The following PIGG variants were observed in gnomAD, a reference collection of about 807,000 sequenced individuals.
PIGG encodes the protein phosphatidylinositol glycan anchor biosynthesis class G (EMM blood group).
Under a neutral mutation model 83.2 loss-of-function variants are expected in PIGG, and 70 were observed. The observed-to-expected ratio is 0.84, with a 90% CI of 0.69 to 1.03. The LOEUF (loss-of-function observed/expected upper bound fraction) is 1.03, where lower values mean the gene tolerates loss of function less well. PIGG is among the 50% of genes least tolerant of loss of function. The pLI, the probability that PIGG is intolerant of heterozygous loss-of-function variation, is 0.00. For missense variants in PIGG, 1,257 were observed against 1,233.6 expected (o/e 1.02, Z -0.28); for synonymous variants, 532 against 519.5 (o/e 1.02, Z -0.33).
At chr4:512,537 G>T (rs1416382322) in intron 5 of PIGG, among the ~76,000 whole-genome samples, 2 of 151,846 alleles carry the variant, frequency 1.3e-5, no homozygotes, top group Non-Finnish European at 2.9e-5. Flanking sequence ...AATAATTTCT[G>T]GCCTGGCACG....
At chr4:534,468 G>A (rs778158274) in intron 12 of PIGG, among the ~76,000 whole-genome samples, 4 of 152,240 alleles carry the variant, frequency 2.6e-5, no homozygotes, top group Admixed American at 6.5e-5. Context: ...AGTCGTCCTT[G>A]AGTAGCTAGG....
intron 9 of PIGG, among the ~76,000 whole-genome samples, chr4:526,321 T>C (rs924461052): frequency 6.6e-6 from 1 of 152,190 alleles, no homozygotes; most frequent in Non-Finnish European, 1.5e-5. Context: ...CTGGGAGGCT[T>C]TGAAGCGGGA....
chr4:507,582 C>G lies in PIGG; in HGVS notation c.748C>G (p.Leu250Val). The G allele has an allele frequency of 6.2e-7, 1 of 1,612,032 alleles. No homozygotes were observed. Among genetic ancestry groups the G allele is most frequent in the Admixed American group, 1.7e-5 (1 of 59,816 alleles). ...DSVLMKIHTS[L>V]QSKERETPLP... ...CGTGCTGATGAAGATCCACACCTCA[C>G]TGCAGTCGAAGGTGAGGCTCGCCGT... is the stretch of plus-strand genomic sequence containing the variant. Residue 250 changes from leucine to valine, a missense_variant, in exon 4 of 13, where the codon CTG becomes GTG. Transcript: ENST00000453061.
intron 5 of PIGG, among the ~76,000 whole-genome samples, chr4:509,975 A>G (rs1553882366): frequency 1.3e-5 from 2 of 148,816 alleles, no homozygotes; most frequent in Non-Finnish European, 3.0e-5. Flanking sequence ...AGATGAGGAC[A>G]GGACCATGTC....
chr4:533,422 C>G (rs1296895297), intron 11 of PIGG: 1 of 188,662 alleles, frequency 5.3e-6, no homozygotes, highest in Non-Finnish European at 1.1e-5. Context: ...TCTCAGGGCC[C>G]TATGCGCCCC....
In PIGG at chr4:499,409, G is replaced by A. The variant is rs201601926; in HGVS notation, c.74G>A (p.Arg25Gln). 9.3e-6 allele frequency: 15 copies of A among 1,609,116 alleles called. No individual in the cohort carries two copies. Among genetic ancestry groups the A allele is most frequent in the Admixed American group, 1.7e-5 (1 of 59,956 alleles). Residue 25 changes from arginine to glutamine, a missense_variant, in exon 1 of 13, where the codon CGG becomes CAG. Physicochemically the swap from Arg to Gln is conservative, Grantham distance 43. Coordinates refer to ENST00000453061, the MANE Select transcript of PIGG (RefSeq NM_001127178.3). The stretch of plus-strand genomic sequence containing the variant: ...GTGCTAGGGATCGCGGTCTTCCTTC[G>A]GGGATTCTTCCCGGCTCCCGTTCGT... ...IEVLGIAVFL[R>Q]GFFPAPVRSS...
At chr4:508,636 G>A (rs1279567205) in intron 4 of PIGG, among the ~76,000 whole-genome samples, 193 bp from the exon 5 acceptor site, 2 of 152,204 alleles carry the variant, frequency 1.3e-5, no homozygotes, top group Middle Eastern at 3.2e-3. Flanking sequence ...GTACAATTCT[G>A]TGAACTTCAT....
intron 6 of PIGG, among the ~76,000 whole-genome samples, chr4:518,830 G>A (rs1479964858): frequency 1.3e-5 from 2 of 151,984 alleles, no homozygotes; most frequent in Non-Finnish European, 2.9e-5. Flanking sequence ...AACAAAATGG[G>A]GTATGTGTTC....
At position 528,017 on chromosome 4, in the gene PIGG, G is replaced by C. The variant is rs1728130880; in HGVS notation, c.2261+787G>C. 1.0e-6 allele frequency: 1 copy of C among 985,310 alleles called. No individual in the cohort carries two copies. The highest frequency in any genetic ancestry group is 6.1e-5 in the Admixed American group (1 of 16,268). 61.0% of individuals were successfully genotyped at this position (985,310 alleles called of 1,614,324 possible). The stretch of plus-strand genomic sequence containing the variant: ...TGTCCTTGCAAAAAGGAACAACCAG[G>C]GTAATTATCCAGCAGCAATACAGTG... On this transcript the variant is annotated intron_variant, in intron 10 of 12. Transcript: ENST00000453061. The surrounding 1 kb of genome is among the most constrained non-coding windows in gnomAD (Gnocchi z 4.8).
intron 6 of PIGG, among the ~76,000 whole-genome samples, chr4:520,694 C>T (rs1173293443): frequency 6.6e-6 from 1 of 152,112 alleles, no homozygotes; most frequent in Non-Finnish European, 1.5e-5. Flanking sequence ...TTATATTGCA[C>T]GTTGACAAGA....
intron 12 of PIGG, among the ~76,000 whole-genome samples, chr4:534,551 C>T (rs1402306472): frequency 6.6e-6 from 1 of 152,230 alleles, no homozygotes; most frequent in South Asian, 2.1e-4. Flanking sequence ...AGTTCAGAGA[C>T]GTGAGCCCCG....
intron 2 of PIGG, chr4:502,023 A>C (rs1553876187): frequency 6.6e-6 from 1 of 152,210 alleles, no homozygotes; most frequent in African/African-American, 2.4e-5. Flanking sequence ...GGGAATCTGG[A>C]AGAAAGACAT....
rs1728818946 is a variant in PIGG, at chr4:530,641, A to G, written c.2467A>G (p.Ile823Val). 2 of 1,613,826 alleles carry G rather than the reference A, an allele frequency of 1.2e-6. No homozygotes were observed. Among genetic ancestry groups the G allele is most frequent in the Non-Finnish European group, 1.7e-6 (2 of 1,179,728 alleles). Reference protein sequence around the residue: ...NLPVLAFSLLIQTLMTKFIWK... With the variant: ...NLPVLAFSLLVQTLMTKFIWK... ...TCCGGTCTTAGCATTTAGCCTCTTG[A>G]TTCAGACTCTAATGACTAAATTCAT... Residue 823 changes from isoleucine (I) to valine (V), a missense_variant, in exon 11 of 13, where the codon ATT (isoleucine) becomes GTT (valine). Physicochemically the swap from Ile to Val is conservative, Grantham distance 29 (BLOSUM62 3). Coordinates refer to ENST00000453061, the MANE Select transcript of PIGG (RefSeq NM_001127178.3).
chr4:525,464 A>G (rs1358845802), intron 9 of PIGG: 1 of 605,856 alleles, frequency 1.7e-6, no homozygotes. Context: ...CAGCAGAAGG[A>G]AAAGGGAAAT....
Position 521,643 on chromosome 4 carries a change from C to G in PIGG, c.1333-17C>G, listed in dbSNP as rs761265921. 3.7e-6 allele frequency: 6 copies of G among 1,610,746 alleles called. No homozygotes were observed. The highest frequency in any genetic ancestry group is 5.1e-6 in the Non-Finnish European group (6 of 1,177,326). On this transcript the variant is annotated splice_polypyrimidine_tract_variant and intron_variant, in intron 7 of 12. Transcript: ENST00000453061. ...CAAGCCCAGCAGTCTGTGGATGCTGCTGTTTCTCTGTTCCAGGTTCTCACC... is the reference window on the plus strand; with the variant it reads ...CAAGCCCAGCAGTCTGTGGATGCTGGTGTTTCTCTGTTCCAGGTTCTCACC...
At chr4:526,101 T>C (rs889033281) in intron 9 of PIGG, among the ~76,000 whole-genome samples, 1 of 152,268 alleles carries the variant, frequency 6.6e-6, no homozygotes, top group Admixed American at 6.5e-5. Context: ...AGTCTGAAAA[T>C]ATGACAGTTA....
intron 12 of PIGG, among the ~76,000 whole-genome samples, chr4:534,528 G>A (rs1211026474): frequency 6.6e-5 from 10 of 152,186 alleles, no homozygotes; most frequent in Admixed American, 6.5e-4. Context: ...AAACAGGGTG[G>A]GGGGCACAGG....
chr4:503,990 AT>A (rs1246005864), intron 2 of PIGG, among the ~76,000 whole-genome samples: 1 of 152,074 alleles, frequency 6.6e-6, no homozygotes, highest in African/African-American at 2.4e-5. Flanking sequence ...TTGAAATATA[AT>A]TTTTATACAA....
rs776527659 is a variant in PIGG, at chr4:521,641, T to G, written c.1333-19T>G. ...TCCAAGCCCAGCAGTCTGTGGATGC[T>G]GCTGTTTCTCTGTTCCAGGTTCTCA... On this transcript the variant is annotated intron_variant, in intron 7 of 12. Coordinates refer to ENST00000453061, the MANE Select transcript of PIGG (RefSeq NM_001127178.3). 6.2e-7 allele frequency: 1 copy of G among 1,610,326 alleles called. No homozygotes were observed. Among genetic ancestry groups the G allele is most frequent in the Admixed American group, 1.7e-5 (1 of 59,902 alleles).
Sources: allele counts gnomAD v4.1 joint callset (sites outside exome capture counted in the v4.1 genomes callset), GRCh38; gene constraint gnomAD v4.1.1; non-coding constraint Gnocchi (gnomAD v3.1); transcripts MANE v1.5; gene names NCBI Gene and HGNC (gene_info 2026-07-23, HGNC 2026-07-21).